Variants in ACBD6 observed in about 807,000 individuals in gnomAD.
The protein encoded by ACBD6 is acyl-CoA-binding domain-containing protein 6.
Under a neutral mutation model 37.2 loss-of-function variants are expected in ACBD6, and 28 were observed. The ratio of observed to expected loss-of-function variants is 0.75; its 90% CI spans 0.56 to 1.03. The LOEUF is 1.03. ACBD6 is among the 50% of genes least tolerant of loss of function. ACBD6 has a pLI of 0.00. For missense variants in ACBD6, 340 were observed against 337.4 expected (o/e 1.01, Z -0.06); for synonymous variants, 113 against 126.8 (o/e 0.89, Z 0.73).
chr1:180,356,994 A>C (rs6659147), intron 6 of ACBD6, among the ~76,000 whole-genome samples: 133,667 of 152,042 alleles, frequency 0.88, 59,397 homozygotes, highest in East Asian at 0.98. Flanking sequence ...CAGGAAGAGA[A>C]GATTACATTA....
chr1:180,352,413 C>T (rs1360994487), intron 6 of ACBD6, among the ~76,000 whole-genome samples: 4 of 152,084 alleles, frequency 2.6e-5, no homozygotes, highest in African/African-American at 9.7e-5. Flanking sequence ...TGGTCTCTTA[C>T]TCCTGACCTA....
At chr1:180,394,170 T>C (rs1222109600) in intron 6 of ACBD6, among the ~76,000 whole-genome samples, 2 of 152,172 alleles carry the variant, frequency 1.3e-5, no homozygotes, top group African/African-American at 2.4e-5. Context: ...CATAGTTCAC[T>C]GTAACCTCAA....
chr1:180,432,983 AAAG>A (rs1245690323), intron 3 of ACBD6, among the ~76,000 whole-genome samples: 3 of 152,108 alleles, frequency 2.0e-5, no homozygotes, highest in Admixed American at 6.6e-5. Flanking sequence ...TCAAATATTT[AAAG>A]AAGAATTAAC....
chr1:180,333,533 G>A (rs1042191720), intron 6 of ACBD6, among the ~76,000 whole-genome samples: 1 of 152,168 alleles, frequency 6.6e-6, no homozygotes, highest in Non-Finnish European at 1.5e-5. Context: ...TATCTGCAAG[G>A]ATGTTCATGG....
intron 5 of ACBD6, among the ~76,000 whole-genome samples, chr1:180,401,704 C>T (rs1234824169): frequency 5.3e-5 from 8 of 150,774 alleles, no homozygotes; most frequent in African/African-American, 2.0e-4. Flanking sequence ...AGGAGAATCG[C>T]CTGAACCTGG....
At chr1:180,337,740 TA>T (rs1316726617) in intron 6 of ACBD6, among the ~76,000 whole-genome samples, 1 of 152,222 alleles carries the variant, frequency 6.6e-6, no homozygotes, top group African/African-American at 2.4e-5. Flanking sequence ...GACATGATTG[TA>T]TATCTAGAAA....
At chr1:180,282,151 G>T (rs1571312801) in intron 8 of ACBD6, among the ~76,000 whole-genome samples, 1 of 152,242 alleles carries the variant, frequency 6.6e-6, no homozygotes, top group South Asian at 2.1e-4. Flanking sequence ...CAAGTTACAG[G>T]GTGTCCCTGA....
chr1:180,494,155 C>T (rs1280851513), intron 2 of ACBD6, among the ~76,000 whole-genome samples: 1 of 152,060 alleles, frequency 6.6e-6, no homozygotes, highest in East Asian at 1.9e-4. Flanking sequence ...AGCATTTTAA[C>T]AAAAATTTTC....
At position 180,463,985 on chromosome 1, in the gene ACBD6, T is replaced by C. The variant is rs571425406; in HGVS notation, c.384+28284A>G. 7.2e-5 allele frequency among the ~76,000 whole-genome samples: 11 copies of C among 152,222 alleles called. No individual in the cohort carries two copies. In the South Asian group the frequency reaches 2.3e-3, roughly 32 times the overall value. On this transcript the variant is annotated intron_variant, in intron 3 of 7. Coordinates refer to ENST00000367595, the MANE Select transcript of ACBD6 (RefSeq NM_032360.4). The stretch of plus-strand genomic sequence containing the variant: ...TTATCTCAATAGATGCAGAAAAGGA[T>C]TTCGATAAAACTCAACATCCCTTCA...
intron 4 of ACBD6, 147 bp downstream of exon 4, chr1:180,430,033 T>G: frequency 1.5e-6 from 1 of 682,236 alleles, no homozygotes; most frequent in Non-Finnish European, 2.5e-6. Flanking sequence ...ATCAGTTTCA[T>G]GTTAAGAAGG....
At chr1:180,409,142 T>C (rs1647746971) in intron 5 of ACBD6, among the ~76,000 whole-genome samples, 1 of 151,678 alleles carries the variant, frequency 6.6e-6, no homozygotes, top group African/African-American at 2.4e-5. Flanking sequence ...AGAATCTGTC[T>C]AAAAAAAAGA....
rs145558256 is a variant in ACBD6, at chr1:180,496,597, G to A, written c.223-1072C>T. Among the ~76,000 whole-genome samples the A allele has an allele frequency of 1.0e-3, 154 of 152,176 alleles. 2 individuals are homozygous for A. In the East Asian group the frequency reaches 0.01, roughly 10 times the overall value. On this transcript the variant is annotated intron_variant, in intron 1 of 7. Coordinates refer to ENST00000367595, the MANE Select transcript of ACBD6 (RefSeq NM_032360.4). ...TCCTCAGCTTTTCAAGATGCTGCACGACCTTCCAGTTCTACTCAAATTTCA... is the reference window on the plus strand; with the variant it reads ...TCCTCAGCTTTTCAAGATGCTGCACAACCTTCCAGTTCTACTCAAATTTCA...
chr1:180,280,988 T>C (rs1430243057), intron 9 of ACBD6, among the ~76,000 whole-genome samples: 1 of 152,218 alleles, frequency 6.6e-6, no homozygotes, highest in African/African-American at 2.4e-5. Flanking sequence ...CTATGTTGCA[T>C]CTTTCTTTTC....
At chr1:180,369,122 T>C (rs1653158452) in intron 6 of ACBD6, among the ~76,000 whole-genome samples, 1 of 152,184 alleles carries the variant, frequency 6.6e-6, no homozygotes, top group Admixed American at 6.5e-5. Context: ...CACAGAACAG[T>C]TTGAAACTAC....
intron 2 of ACBD6, 97 bp downstream of exon 2, chr1:180,495,364 A>G: frequency 1.2e-6 from 1 of 849,306 alleles, no homozygotes; most frequent in Non-Finnish European, 1.8e-6. Context: ...AGAGAGATTA[A>G]TATAAAAATA....
At chr1:180,477,978 T>TAA (rs58326495) in intron 3 of ACBD6, among the ~76,000 whole-genome samples, 5 of 145,082 alleles carry the variant, frequency 3.4e-5, no homozygotes, top group Non-Finnish European at 6.1e-5. Context: ...TCCATCTCTT[T>TAA]AAAAAAAAAA....
intron 3 of ACBD6, among the ~76,000 whole-genome samples, chr1:180,453,088 T>G (rs1649777118): frequency 6.6e-6 from 1 of 152,148 alleles, no homozygotes; most frequent in African/African-American, 2.4e-5. Context: ...CAACCTGATA[T>G]CAAAACCCGG....
At chr1:180,420,437 T>C (rs1197927093) in intron 4 of ACBD6, among the ~76,000 whole-genome samples, 3 of 152,206 alleles carry the variant, frequency 2.0e-5, no homozygotes, top group African/African-American at 4.8e-5. Context: ...CATAATGTTC[T>C]ATCAGGGTTC....
Position 180,370,479 on chromosome 1 carries a change from G to A in ACBD6, c.663+27037C>T, listed in dbSNP as rs147114416. On this transcript the variant is annotated intron_variant, in intron 6 of 7. Coordinates refer to ENST00000367595, the MANE Select transcript of ACBD6 (RefSeq NM_032360.4). ...GAATATTGAAGAAACAGAAAACATG[G>A]TCCCTGCATTCAAAGAACTTACAAT... Among the ~76,000 whole-genome samples, 273 of 152,200 alleles carry A rather than the reference G, an allele frequency of 1.8e-3. 1 individual carries two copies. Among genetic ancestry groups the A allele is most frequent in the African/African-American group, 6.3e-3 (262 of 41,500 alleles).
Sources: allele counts gnomAD v4.1 joint callset (sites outside exome capture counted in the v4.1 genomes callset), GRCh38; gene constraint gnomAD v4.1.1; transcripts MANE v1.5; gene names NCBI Gene and HGNC (gene_info 2026-07-23, HGNC 2026-07-21).